PFKL: variants seen among roughly 807,000 people sequenced by gnomAD.
PFKL encodes the protein phosphofructokinase, liver type.
Under a neutral mutation model 92.1 loss-of-function variants are expected in PFKL, and 74 were observed. The observed-to-expected ratio is 0.80, with a 90% CI of 0.67 to 0.97. The LOEUF (loss-of-function observed/expected upper bound fraction) is 0.97. PFKL is among the 50% of genes least tolerant of loss of function. The probability of loss-of-function intolerance (pLI) is 0.00; values close to 1 mark genes in which losing one functional copy is unlikely to be tolerated. For synonymous variants in PFKL, 494 were observed against 456.4 expected, an observed-to-expected ratio of 1.08 and a Z score of -1.05; for missense variants, 1,028 against 1,116.6, an observed-to-expected ratio of 0.92 and a Z score of 1.13.
At chr21:44,304,384 G>T in intron 1 of PFKL, 1 of 1,266,782 alleles carries the variant, frequency 7.9e-7, no homozygotes, top group Non-Finnish European at 1.0e-6. Flanking sequence ...GAGAGGCCCT[G>T]TGGTTGGACG....
At chr21:44,321,947 AG>A in intron 13 of PFKL, 72 bp downstream of exon 13, 2 of 1,503,484 alleles carry the variant, frequency 1.3e-6, no homozygotes, top group Non-Finnish European at 1.8e-6. Context: ...TTCCTGTGGA[AG>A]GCCGGCTGCT....
At chr21:44,321,640 C>G in intron 12 of PFKL, 89 bp from the exon 13 acceptor site, 2 of 1,384,430 alleles carry the variant, frequency 1.4e-6, no homozygotes, top group South Asian at 3.2e-5. Context: ...GCCCCTTTTT[C>G]CAGAACCTGC....
chr21:44,315,653 C>G (rs2047182323), intron 7 of PFKL: 1 of 154,154 alleles, frequency 6.5e-6, no homozygotes, highest in Admixed American at 6.4e-5. Flanking sequence ...TGGGCCGCGG[C>G]TGGTGTGTGG....
Position 44,326,182 on chromosome 21 carries a change from G to A in PFKL, c.2113G>A (p.Asp705Asn), listed in dbSNP as rs2047503199. ...RKGRVFANAP[D>N]SACVIGLKKK... is the part of the protein sequence containing the mutation. ...AGGACGGGTGTTCGCCAATGCCCCA[G>A]ACTCGGCCTGCGTGATCGGCCTGAA... The change falls in exon 21 of 22, where the codon GAC (aspartate) becomes AAC (asparagine). Residue 705 changes from aspartate (D) to asparagine (N), a missense_variant. By Grantham distance (23) the Asp-to-Asn change is conservative. Coordinates refer to ENST00000349048, the MANE Select transcript of PFKL (RefSeq NM_002626.6). 1 of 1,612,844 alleles carries A rather than the reference G, an allele frequency of 6.2e-7. No individual in the cohort carries two copies. The highest frequency in any genetic ancestry group is 1.3e-5 in the African/African-American group (1 of 74,926).
Position 44,311,103 on chromosome 21 carries a change from A to G in PFKL, c.237+20A>G. ...CAGCTGGTGAGGCCTGGGAACGCGG[A>G]TGCATGTTGCACTTGGACTCGCAGA... On this transcript the variant is annotated intron_variant, in intron 3 of 21. Transcript: ENST00000349048. 3 of 1,603,002 alleles carry G rather than the reference A, an allele frequency of 1.9e-6. No homozygotes were observed. The highest frequency in any genetic ancestry group is 2.6e-6 in the Non-Finnish European group (3 of 1,171,590).
At chr21:44,300,617 C>T (rs1051202302) in intron 1 of PFKL, among the ~76,000 whole-genome samples, 3 of 152,204 alleles carry the variant, frequency 2.0e-5, no homozygotes, top group African/African-American at 7.2e-5. Context: ...CCGGGACCTC[C>T]TCCCGGCTGG....
At chr21:44,308,693 C>G (rs1489542875) in intron 2 of PFKL, among the ~76,000 whole-genome samples, 1 of 151,774 alleles carries the variant, frequency 6.6e-6, no homozygotes, top group Non-Finnish European at 1.5e-5. Context: ...TCCTGAGTAG[C>G]TGGGATTACA....
At chr21:44,303,972 T>TA (rs1217847321) in intron 1 of PFKL, among the ~76,000 whole-genome samples, 1 of 150,820 alleles carries the variant, frequency 6.6e-6, no homozygotes, top group African/African-American at 2.5e-5. Context: ...CTTTTGAAGA[T>TA]TACAGCTTCC....
Position 44,312,978 on chromosome 21 carries a change from G to T in PFKL, c.428G>T (p.Gly143Val). ...GGTCCTCCTGCTGCTCCTGGCCCAGGTAAGATCTCAGAGACTACAGCCCGG... is the reference window on the plus strand; with the variant it reads ...GGTCCTCCTGCTGCTCCTGGCCCAGTTAAGATCTCAGAGACTACAGCCCGG... ...GSLLEELVAEGKISETTARTY... is the reference protein window; with the variant it reads ...GSLLEELVAEVKISETTARTY... Residue 143 changes from glycine (G) to valine (V), a missense_variant and splice_region_variant, in exon 5 of 22, where the codon GGT becomes GTT. Physicochemically the swap from Gly to Val is moderately radical, Grantham distance 109. Transcript: ENST00000349048. 1.2e-6 allele frequency: 2 copies of T among 1,612,694 alleles called. No homozygotes were observed. The highest frequency in any genetic ancestry group is 1.7e-6 in the Non-Finnish European group (2 of 1,179,744).
Position 44,314,140 on chromosome 21 carries a change from G to T in PFKL, c.747+119G>T, listed in dbSNP as rs115298488. The stretch of plus-strand genomic sequence containing the variant: ...ATCACTCATGGGTTCATCAGCAGCT[G>T]CAGGTGCCCCTTGGGGGCGGGACAC... On this transcript the variant is annotated intron_variant, in intron 7 of 21. Coordinates refer to ENST00000349048, the MANE Select transcript of PFKL (RefSeq NM_002626.6). The T allele has an allele frequency of 7.4e-3, 5,308 of 713,916 alleles. 206 individuals are homozygous for T. The African/African-American group carries it at 0.084, about 11-fold the overall frequency. The allele number at this position is 713,916 out of a possible 1,614,324, so 44.2% of individuals were successfully genotyped here. A position where few individuals can be genotyped will look rare whatever the true frequency, so the allele number is the denominator to read the frequency against.
chr21:44,301,924 A>T (rs1419414811), intron 1 of PFKL, among the ~76,000 whole-genome samples: 1 of 151,640 alleles, frequency 6.6e-6, no homozygotes, highest in Non-Finnish European at 1.5e-5. Flanking sequence ...GGCTCGCTGG[A>T]GGTTGCTGAA....
At chr21:44,305,772 C>T (rs185689593) in intron 1 of PFKL, 416 of 1,364,934 alleles carry the variant, frequency 3.0e-4, no homozygotes, top group Non-Finnish European at 3.4e-4. Flanking sequence ...TCCTGAGTGC[C>T]GCCTCCCCCG....
At position 44,326,983 on chromosome 21, in the gene PFKL, C is replaced by G. The variant is rs929864732; in HGVS notation, c.*121C>G. 3 of 901,024 alleles carry G rather than the reference C, an allele frequency of 3.3e-6. No individual in the cohort carries two copies. In the African/African-American group the frequency reaches 5.0e-5, roughly 15 times the overall value. The allele number at this position is 901,024 out of a possible 1,614,324, so 55.8% of individuals were successfully genotyped here. ...GGCAGGTGGGGGCTGCGTCCCTGCT[C>G]AGCCCATCCCCTGCCTCTATCCCTG... On this transcript the variant is annotated 3_prime_UTR_variant, in exon 22 of 22. Coordinates refer to ENST00000349048, the MANE Select transcript of PFKL (RefSeq NM_002626.6).
chr21:44,323,103 C>T lies in PFKL; in HGVS notation c.1497+54C>T, dbSNP rs2047401314. The T allele has an allele frequency of 7.0e-6, 10 of 1,426,402 alleles. No homozygotes were observed. In the Admixed American group the frequency reaches 1.5e-4, roughly 22 times the overall value. The allele number at this position is 1,426,402 out of a possible 1,614,324, so 88.4% of individuals were successfully genotyped here. On this transcript the variant is annotated intron_variant, in intron 15 of 21. Coordinates refer to ENST00000349048, the MANE Select transcript of PFKL (RefSeq NM_002626.6). The stretch of plus-strand genomic sequence containing the variant: ...CCAGGGCACAGGAGACCCAAGGTGT[C>T]CTCCCGCCGAGGGGGCCCATCCTGA...
At chr21:44,305,835 CTG>C (rs775495460) in intron 1 of PFKL, 10 of 1,366,666 alleles carry the variant, frequency 7.3e-6, no homozygotes, top group African/African-American at 1.5e-5. Context: ...CTGGGACAGA[CTG>C]TTTCTTTCAC....
rs1374586336 is a variant in PFKL at position 44,315,978 on chromosome 21, C to T, written c.748-266C>T. ...TGTGTGCTGGGCCCAGCCCCGAGGG[C>T]CCCCTTCCTCCCCTGCTGCCCTTCC... On this transcript the variant is annotated intron_variant, in intron 7 of 21. Transcript: ENST00000349048. The T allele has an allele frequency of 7.9e-6, 4 of 507,700 alleles. No individual in the cohort carries two copies. In the East Asian group the frequency reaches 1.4e-4, roughly 18 times the overall value. 31.4% of individuals were successfully genotyped at this position (507,700 alleles called of 1,614,324 possible). A position where few individuals can be genotyped will look rare whatever the true frequency, so the allele number is the denominator to read the frequency against.
chr21:44,311,217 C>T (rs977123611), intron 3 of PFKL, 134 bp downstream of exon 3: 13 of 651,828 alleles, frequency 2.0e-5, no homozygotes, highest in Non-Finnish European at 3.5e-5. Flanking sequence ...CACAGACATG[C>T]ACACAGACGC....
intron 15 of PFKL, 123 bp downstream of exon 15, chr21:44,323,172 G>A (rs950776228): frequency 2.0e-4 from 149 of 761,050 alleles, no homozygotes; most frequent in Non-Finnish European, 2.8e-4. Context: ...CGAGAGGGTC[G>A]GGGTTTTAAG....
chr21:44,313,574 A>G (rs972114547), intron 5 of PFKL, 64 bp from the exon 6 acceptor site: 17 of 1,527,622 alleles, frequency 1.1e-5, no homozygotes, highest in African/African-American at 1.4e-5. Flanking sequence ...AGCACCCCGC[A>G]GGGAATCGGG....
Sources: gnomAD v4.1 joint callset for allele counts (sites outside exome capture counted in the v4.1 genomes callset) on GRCh38, gnomAD v4.1.1 for gene constraint, MANE v1.5 for transcripts, NCBI Gene and HGNC (gene_info 2026-07-23, HGNC 2026-07-21) for gene names.